Variants in FMNL2 observed in about 807,000 individuals in gnomAD.
The protein encoded by FMNL2 is formin like 2.
FMNL2 carries 51 observed loss-of-function variants against 130.2 expected under a neutral mutation model. The observed-to-expected ratio is 0.39, with a 90% confidence interval of 0.31 to 0.49. The LOEUF is 0.49. Among genes scored for constraint, FMNL2 ranks in the 20% least tolerant of loss-of-function variants. The probability of loss-of-function intolerance (pLI) is 0.85; values close to 1 mark genes in which losing one functional copy is unlikely to be tolerated. For missense variants in FMNL2, 977 were observed against 1,316.2 expected, an observed-to-expected ratio of 0.74 and a Z score of 3.99; for synonymous variants, 465 against 467.1, an observed-to-expected ratio of 1.00 and a Z score of 0.06.
intron 1 of FMNL2, among the ~76,000 whole-genome samples, chr2:152,474,594 G>A (rs1300190835): frequency 6.6e-6 from 1 of 152,158 alleles, no homozygotes; most frequent in Non-Finnish European, 1.5e-5. Flanking sequence ...GCTGAGGCAT[G>A]AGAATTGCTT....
chr2:152,628,204 G>A (rs1328534816), intron 17 of FMNL2, 95 bp from the exon 18 acceptor site: 2 of 1,041,676 alleles, frequency 1.9e-6, no homozygotes. Context: ...GTACCAGATG[G>A]ATGATGGATG....
At chr2:152,386,836 CG>C in intron 1 of FMNL2, among the ~76,000 whole-genome samples, 2 of 152,146 alleles carry the variant, frequency 1.3e-5, no homozygotes, top group South Asian at 4.2e-4. Flanking sequence ...GTAGCAATGC[CG>C]GAAGAAGTAG....
intron 1 of FMNL2, among the ~76,000 whole-genome samples, chr2:152,436,080 C>T: frequency 6.6e-6 from 1 of 151,860 alleles, no homozygotes; most frequent in Admixed American, 6.6e-5. Context: ...CTGAAGATAC[C>T]TCAAATGCAA....
chr2:152,337,489 A>G (rs1030526074), intron 1 of FMNL2, among the ~76,000 whole-genome samples: 1 of 151,814 alleles, frequency 6.6e-6, no homozygotes, highest in Non-Finnish European at 1.5e-5. Flanking sequence ...TAATAATAAC[A>G]ATAATGCAAT....
intron 1 of FMNL2, among the ~76,000 whole-genome samples, chr2:152,504,406 C>T (rs188887032): frequency 1.1e-3 from 160 of 152,068 alleles, no homozygotes; most frequent in African/African-American, 3.7e-3. Flanking sequence ...ACCACCACGA[C>T]CGGCTAATTT....
intron 1 of FMNL2, among the ~76,000 whole-genome samples, chr2:152,338,820 T>TACACACACACACGC (rs1681626429): frequency 6.7e-6 from 1 of 148,870 alleles, no homozygotes; most frequent in African/African-American, 2.5e-5. Context: ...GAAGGTGAGA[T>TACACACACACACGC]ACACACACAC....
chr2:152,542,913 G>A (rs1694394211), intron 3 of FMNL2, 94 bp downstream of exon 3: 7 of 1,380,858 alleles, frequency 5.1e-6, no homozygotes, highest in Non-Finnish European at 6.1e-6. Flanking sequence ...CTCTGCATTA[G>A]AGCCTCTGCC....
At chr2:152,405,309 A>G (rs1443431580) in intron 1 of FMNL2, among the ~76,000 whole-genome samples, 1 of 151,998 alleles carries the variant, frequency 6.6e-6, no homozygotes, top group Non-Finnish European at 1.5e-5. Context: ...TCTTTTTTGG[A>G]GCAGATTTTT....
intron 1 of FMNL2, among the ~76,000 whole-genome samples, chr2:152,417,739 A>G (rs1686691983): frequency 6.6e-6 from 1 of 152,178 alleles, no homozygotes; most frequent in Non-Finnish European, 1.5e-5. Flanking sequence ...TGTTAGAGCT[A>G]AATTTCCCAC....
intron 1 of FMNL2, among the ~76,000 whole-genome samples, chr2:152,387,015 GA>G (rs1261227103): frequency 2.6e-5 from 4 of 151,980 alleles, no homozygotes; most frequent in Non-Finnish European, 4.4e-5. Context: ...TGATTTAAAA[GA>G]AAAAGGTCAT....
At chr2:152,466,835 T>C (rs1337000501) in intron 1 of FMNL2, among the ~76,000 whole-genome samples, 1 of 152,176 alleles carries the variant, frequency 6.6e-6, no homozygotes, top group East Asian at 1.9e-4. Context: ...GCAGTCCCCG[T>C]GAAGTGCTGT....
chr2:152,415,570 T>C (rs1686564291), intron 1 of FMNL2, among the ~76,000 whole-genome samples: 1 of 152,162 alleles, frequency 6.6e-6, no homozygotes, highest in South Asian at 2.1e-4. Context: ...ATACCTCAGG[T>C]AGAGCTTGCT....
intron 1 of FMNL2, among the ~76,000 whole-genome samples, chr2:152,483,779 T>G (rs1239870575): frequency 6.6e-6 from 1 of 152,264 alleles, no homozygotes; most frequent in Non-Finnish European, 1.5e-5. Flanking sequence ...GACTACTGTA[T>G]GAATTGCTCA....
At chr2:152,408,270 A>G (rs1481455975) in intron 1 of FMNL2, among the ~76,000 whole-genome samples, 2 of 152,224 alleles carry the variant, frequency 1.3e-5, no homozygotes, top group East Asian at 1.9e-4. Context: ...TTTAAACACA[A>G]TGAATTCTAC....
chr2:152,460,785 T>C (rs1238519181), intron 1 of FMNL2, among the ~76,000 whole-genome samples: 1 of 152,344 alleles, frequency 6.6e-6, no homozygotes, highest in East Asian at 1.9e-4. Flanking sequence ...GAGAATCCAA[T>C]GCCTGATGAT....
intron 1 of FMNL2, among the ~76,000 whole-genome samples, chr2:152,501,483 A>T (rs890894652): frequency 1.3e-5 from 2 of 152,186 alleles, no homozygotes; most frequent in Non-Finnish European, 2.9e-5. Flanking sequence ...TGAAGGCTCT[A>T]TTCAATTGTT....
chr2:152,600,852 A>C (rs1467106783), intron 9 of FMNL2, among the ~76,000 whole-genome samples: 2 of 152,190 alleles, frequency 1.3e-5, no homozygotes, highest in East Asian at 3.9e-4. Flanking sequence ...ATAGCTTCAC[A>C]ATCAGGAGTG....
chr2:152,583,630 A>C (rs1696910042), intron 9 of FMNL2, among the ~76,000 whole-genome samples: 1 of 152,166 alleles, frequency 6.6e-6, no homozygotes, highest in South Asian at 2.1e-4. Context: ...CTGTCATGGC[A>C]CTGGTGGGTA....
At chr2:152,504,588 C>T (rs998589112) in intron 1 of FMNL2, among the ~76,000 whole-genome samples, 2 of 152,172 alleles carry the variant, frequency 1.3e-5, no homozygotes, top group South Asian at 2.1e-4. Flanking sequence ...TCTCCATAGC[C>T]GCATCTCATT....
Sources: allele counts gnomAD v4.1 joint callset (sites outside exome capture counted in the v4.1 genomes callset), GRCh38; gene constraint gnomAD v4.1.1; transcripts MANE v1.5; gene names NCBI Gene and HGNC (gene_info 2026-07-23, HGNC 2026-07-21).